The following DPP6 variants were observed in gnomAD, a reference collection of about 807,000 sequenced individuals.
The protein encoded by DPP6 is dipeptidyl peptidase like 6.
Under a neutral mutation model 122.6 loss-of-function variants are expected in DPP6, and 69 were observed. The ratio of observed to expected loss-of-function variants is 0.56; its 90% confidence interval spans 0.46 to 0.69. The LOEUF is 0.69. DPP6 is among the 30% of genes least tolerant of loss of function. The pLI is 0.00. For synonymous variants in DPP6, 418 were observed against 433.1 expected (o/e 0.97, Z 0.43); for missense variants, 928 against 1,116.9 (o/e 0.83, Z 2.41).
At chr7:154,059,512 G>C (rs1227196654) in intron 1 of DPP6, 1 of 150,884 alleles carries the variant, frequency 6.6e-6, no homozygotes, top group Non-Finnish European at 1.5e-5. Context: ...ATCTACCGGA[G>C]CTTAAGGGCA....
chr7:154,753,647 T>C (rs1323590731), intron 8 of DPP6, among the ~76,000 whole-genome samples: 1 of 152,012 alleles, frequency 6.6e-6, no homozygotes, highest in African/African-American at 2.4e-5. Context: ...TATCATGCAG[T>C]CCCCACAGCG....
chr7:154,426,861 A>G (rs1419298012), intron 1 of DPP6, among the ~76,000 whole-genome samples: 1 of 151,108 alleles, frequency 6.6e-6, no homozygotes, highest in African/African-American at 2.4e-5. Context: ...AAAAGTTTGT[A>G]TGCACAGAAC....
At chr7:154,541,963 C>A (rs774583194) in intron 4 of DPP6, among the ~76,000 whole-genome samples, 11 of 152,176 alleles carry the variant, frequency 7.2e-5, no homozygotes, top group Non-Finnish European at 1.3e-4. Flanking sequence ...TACCCCATCC[C>A]CAGATCCACA....
chr7:153,782,549 C>T, the DPP6 span, among the ~76,000 whole-genome samples: 1 of 152,122 alleles, frequency 6.6e-6, no homozygotes, highest in African/African-American at 2.4e-5. Context: ...CGTGTGGGCC[C>T]TTTCTGTGTA....
At chr7:154,341,980 G>A (rs578097398) in intron 1 of DPP6, among the ~76,000 whole-genome samples, 6 of 152,204 alleles carry the variant, frequency 3.9e-5, no homozygotes, top group Non-Finnish European at 8.8e-5. Flanking sequence ...CTATGGACTT[G>A]TGTCAACGAT....
At chr7:154,641,021 G>A (rs539034891) in intron 6 of DPP6, among the ~76,000 whole-genome samples, 2 of 152,026 alleles carry the variant, frequency 1.3e-5, no homozygotes, top group Non-Finnish European at 2.9e-5. Context: ...ATGTTCTCAT[G>A]CCCTCTGATT....
At chr7:154,060,398 C>G (rs575506919) in intron 1 of DPP6, among the ~76,000 whole-genome samples, 3 of 132,358 alleles carry the variant, frequency 2.3e-5, no homozygotes, top group Admixed American at 1.4e-4. Flanking sequence ...CTCTTAGGAC[C>G]CCCATCGCAG....
intron 1 of DPP6, among the ~76,000 whole-genome samples, chr7:154,132,530 C>T (rs71221686): frequency 6.6e-6 from 1 of 152,100 alleles, no homozygotes; most frequent in Non-Finnish European, 1.5e-5. Context: ...TTTTTTATCC[C>T]TCTCTTCTTC....
chr7:154,598,806 G>C (rs1193392381), intron 5 of DPP6, among the ~76,000 whole-genome samples: 1 of 152,152 alleles, frequency 6.6e-6, no homozygotes, highest in Non-Finnish European at 1.5e-5. Context: ...TAGCATTGTT[G>C]TTTTGTTTTG....
chr7:154,480,405 T>A (rs1288923485), intron 3 of DPP6, among the ~76,000 whole-genome samples: 4 of 152,222 alleles, frequency 2.6e-5, no homozygotes, highest in African/African-American at 9.7e-5. Flanking sequence ...GACCTCCAGG[T>A]TGCTAAATGC....
At chr7:154,188,126 T>G (rs574596374) in intron 1 of DPP6, among the ~76,000 whole-genome samples, 9 of 151,628 alleles carry the variant, frequency 5.9e-5, no homozygotes, top group African/African-American at 2.2e-4. Flanking sequence ...AGACCGGGAG[T>G]GGAAGGCAGC....
chr7:154,299,802 G>C (rs1805785161), intron 1 of DPP6, among the ~76,000 whole-genome samples: 1 of 152,168 alleles, frequency 6.6e-6, no homozygotes, highest in South Asian at 2.1e-4. Flanking sequence ...CTGATTAAAT[G>C]ATATTCGAAG....
intron 1 of DPP6, among the ~76,000 whole-genome samples, chr7:153,934,066 G>C (rs1167501202): frequency 6.6e-6 from 1 of 152,244 alleles, no homozygotes; most frequent in African/African-American, 2.4e-5. Flanking sequence ...GCAGATGAAA[G>C]AGGACAGCCC....
chr7:153,874,239 C>T, the DPP6 span, among the ~76,000 whole-genome samples: 14,654 of 140,436 alleles, frequency 0.1, 832 homozygotes, highest in Middle Eastern at 0.15. Flanking sequence ...CACATAAGCG[C>T]GCGTGCGCAC....
At chr7:154,113,412 T>TATACAC in intron 1 of DPP6, among the ~76,000 whole-genome samples, 2 of 141,880 alleles carry the variant, frequency 1.4e-5, no homozygotes, top group South Asian at 4.6e-4. Flanking sequence ...TATATATATA[T>TATACAC]ACACACACAC....
At chr7:154,320,031 T>TGC (rs1807801585) in intron 1 of DPP6, among the ~76,000 whole-genome samples, 2 of 140,490 alleles carry the variant, frequency 1.4e-5, no homozygotes, top group South Asian at 4.6e-4. Context: ...TATATATATA[T>TGC]GCAACATGAA....
At position 154,624,010 on chromosome 7, in the gene DPP6, A is replaced by G. The variant is rs1395606401; in HGVS notation, c.628-13811A>G. Among the ~76,000 whole-genome samples, 3 of 152,210 alleles carry G rather than the reference A, an allele frequency of 2.0e-5. No individual in the cohort carries two copies. The highest frequency in any genetic ancestry group is 4.4e-5 in the Non-Finnish European group (3 of 68,034). ...GGAATTCGAGACCAGCCTGGCCGAC[A>G]TGGTGAAACCCCATCTCTACTAAAA... On this transcript the variant is annotated intron_variant, in intron 5 of 25. Transcript: ENST00000377770. The surrounding 1 kb of genome is among the most constrained non-coding windows in gnomAD (Gnocchi z 4.7).
intron 16 of DPP6, among the ~76,000 whole-genome samples, chr7:154,845,856 A>G (rs1801900425): frequency 6.6e-6 from 1 of 152,126 alleles, no homozygotes; most frequent in South Asian, 2.1e-4. Context: ...ATTGTTCCCC[A>G]TGTTTCACAG....
intron 1 of DPP6, among the ~76,000 whole-genome samples, chr7:154,332,852 C>A (rs1197755327): frequency 6.6e-6 from 1 of 152,194 alleles, no homozygotes; most frequent in African/African-American, 2.4e-5. Flanking sequence ...TCACCGTGCC[C>A]GCCCAGTATC....
Sources: gnomAD v4.1 joint callset for allele counts (sites outside exome capture counted in the v4.1 genomes callset) on GRCh38, gnomAD v4.1.1 for gene constraint, Gnocchi (gnomAD v3.1) non-coding constraint, MANE v1.5 for transcripts, NCBI Gene and HGNC (gene_info 2026-07-23, HGNC 2026-07-21) for gene names.